Variants in METTL8 observed in about 807,000 individuals in gnomAD.
METTL8 encodes methyltransferase 8, tRNA N3-cytidine.
In METTL8, 32 loss-of-function variants were observed where a neutral mutation model predicts 48.7. The observed-to-expected ratio is 0.66, with a 90% CI of 0.50 to 0.88. The LOEUF is 0.88. Among genes scored for constraint, METTL8 ranks in the 40% least tolerant of loss-of-function variants. The probability of loss-of-function intolerance (pLI) is 0.00; values close to 1 mark genes in which losing one functional copy is unlikely to be tolerated. For missense variants in METTL8, 464 were observed against 474.4 expected (o/e 0.98, Z 0.20); for synonymous variants, 136 against 157.1 (o/e 0.87, Z 1.01).
At chr2:171,408,998 C>T (rs952091135) in intron 1 of METTL8, among the ~76,000 whole-genome samples, 2 of 152,172 alleles carry the variant, frequency 1.3e-5, no homozygotes, top group East Asian at 1.9e-4. Context: ...TCAAGCCTTC[C>T]ACTAAGATGC....
upstream of METTL8, chr2:171,434,463 C>T: frequency 6.7e-7 from 1 of 1,503,402 alleles, no homozygotes; most frequent in South Asian, 1.2e-5. Flanking sequence ...TTTCCCTGGG[C>T]CCCGCCGGGA....
At chr2:171,411,306 A>T (rs559207511) in intron 1 of METTL8, among the ~76,000 whole-genome samples, 2 of 152,262 alleles carry the variant, frequency 1.3e-5, no homozygotes, top group Non-Finnish European at 2.9e-5. Flanking sequence ...TTAAAAGTTC[A>T]TCTGGACAAA....
At chr2:171,353,697 A>G (rs1684209896) in intron 3 of METTL8, among the ~76,000 whole-genome samples, 1 of 152,084 alleles carries the variant, frequency 6.6e-6, no homozygotes, top group South Asian at 2.1e-4. Flanking sequence ...TGTTGAATTG[A>G]TCCCTTTACC....
At position 171,323,066 on chromosome 2, in the gene METTL8, A is replaced by G. The variant is rs767317124; in HGVS notation, c.*1106T>C. The G allele has an allele frequency of 6.6e-6, 1 of 152,076 alleles. No individual in the cohort carries two copies. Among genetic ancestry groups the G allele is most frequent in the African/African-American group, 2.4e-5 (1 of 41,406 alleles). 9.4% of individuals were successfully genotyped at this position (152,076 alleles called of 1,614,324 possible). On this transcript the variant is annotated 3_prime_UTR_variant, in exon 10 of 10. Coordinates refer to ENST00000375258, the MANE Select transcript of METTL8 (RefSeq NM_001321154.2). ...TATCAGCAAGGTCTGTATGACCTGT[A>G]TCTTGTACTGACTTCCTATCTCATC... is the stretch of plus-strand genomic sequence containing the variant.
rs188730223 is a variant in METTL8 at position 171,316,943 on chromosome 2, G to A, written c.*7229C>T. On this transcript the variant is annotated 3_prime_UTR_variant, in exon 10 of 10. Coordinates refer to ENST00000375258, the MANE Select transcript of METTL8 (RefSeq NM_001321154.2). Reference sequence around the variant, plus strand: ...AACTAAAGATGTAAGGAGAGCGATCGCATTCTTTACGCCAAGCATTCTGTT... The same window carrying A: ...AACTAAAGATGTAAGGAGAGCGATCACATTCTTTACGCCAAGCATTCTGTT... 9.9e-4 allele frequency among the ~76,000 whole-genome samples: 150 copies of A among 152,274 alleles called. No individual in the cohort carries two copies. Among genetic ancestry groups the A allele is most frequent in the African/African-American group, 3.2e-3 (134 of 41,556 alleles).
At chr2:171,395,760 A>C (rs2105575420) in intron 1 of METTL8, among the ~76,000 whole-genome samples, 1 of 152,356 alleles carries the variant, frequency 6.6e-6, no homozygotes, top group South Asian at 2.1e-4. Flanking sequence ...GATTTTAACA[A>C]CCCTTTTCCA....
At chr2:171,380,564 A>G (rs577295112) in intron 2 of METTL8, among the ~76,000 whole-genome samples, 6 of 152,368 alleles carry the variant, frequency 3.9e-5, no homozygotes, top group African/African-American at 1.4e-4. Flanking sequence ...GGGAAACAAA[A>G]TCAATGTGCA....
At chr2:171,375,013 C>T (rs146582925) in intron 2 of METTL8, 27 of 1,016,510 alleles carry the variant, frequency 2.7e-5, no homozygotes, top group Middle Eastern at 3.0e-4. Context: ...GTGGGCTTCA[C>T]GAGATCGATT....
intron 1 of METTL8, among the ~76,000 whole-genome samples, chr2:171,395,527 T>C (rs1688975974): frequency 6.6e-6 from 1 of 152,146 alleles, no homozygotes; most frequent in African/African-American, 2.4e-5. Context: ...AAACACTGCA[T>C]AAGAAAGCTG....
chr2:171,343,363 C>A (rs184948349), intron 3 of METTL8, among the ~76,000 whole-genome samples: 161 of 152,036 alleles, frequency 1.1e-3, no homozygotes, highest in African/African-American at 3.6e-3. Flanking sequence ...TGCTTGAACC[C>A]GGGAGGCGGA....
intron 1 of METTL8, among the ~76,000 whole-genome samples, chr2:171,420,187 C>T (rs948661964): frequency 6.6e-6 from 1 of 152,040 alleles, no homozygotes; most frequent in Non-Finnish European, 1.5e-5. Context: ...CCTGTCTCTA[C>T]AAAAAATATA....
intron 1 of METTL8, among the ~76,000 whole-genome samples, chr2:171,408,581 C>T (rs189960311): frequency 1.7e-4 from 26 of 152,152 alleles, no homozygotes; most frequent in African/African-American, 4.6e-4. Context: ...TGTGAGCCAC[C>T]GTGACCAGCT....
intron 3 of METTL8, among the ~76,000 whole-genome samples, chr2:171,357,087 A>G (rs886789846): frequency 4.0e-5 from 6 of 151,670 alleles, no homozygotes; most frequent in African/African-American, 1.5e-4. Context: ...CCTCCTGAGT[A>G]GCTGGGACTA....
At chr2:171,324,921 T>C (rs904800159) in intron 9 of METTL8, among the ~76,000 whole-genome samples, 13 of 152,004 alleles carry the variant, frequency 8.6e-5, no homozygotes, top group Non-Finnish European at 1.8e-4. Flanking sequence ...CCTGGTCAAA[T>C]GGTGAAACCC....
intron 1 of METTL8, among the ~76,000 whole-genome samples, chr2:171,433,657 G>T (rs945652302): frequency 2.6e-5 from 4 of 152,104 alleles, no homozygotes; most frequent in Admixed American, 2.0e-4. Context: ...TCCCTATAAA[G>T]AAAAAAGAAT....
chr2:171,341,078 C>T (rs1242382479), intron 3 of METTL8, among the ~76,000 whole-genome samples: 1 of 152,082 alleles, frequency 6.6e-6, no homozygotes, highest in African/African-American at 2.4e-5. Flanking sequence ...GCCTGTAATC[C>T]CAGCACTTTG....
At chr2:171,353,786 G>GC (rs1380233144) in intron 3 of METTL8, among the ~76,000 whole-genome samples, 3 of 152,064 alleles carry the variant, frequency 2.0e-5, no homozygotes, top group Non-Finnish European at 1.5e-5. Flanking sequence ...TGCAACCCCT[G>GC]CTTTTTTTTG....
At chr2:171,407,994 C>T (rs117061756) in intron 1 of METTL8, among the ~76,000 whole-genome samples, 1 of 152,280 alleles carries the variant, frequency 6.6e-6, no homozygotes, top group East Asian at 1.9e-4. Context: ...TGGTCAGTAG[C>T]TTCTTTATAA....
At chr2:171,324,722 C>A (rs1451782973) in intron 9 of METTL8, among the ~76,000 whole-genome samples, 2 of 152,122 alleles carry the variant, frequency 1.3e-5, no homozygotes, top group Non-Finnish European at 2.9e-5. Flanking sequence ...TTGGGGAAAT[C>A]CTTGAATGCA....
Sources: gnomAD v4.1 joint callset for allele counts (sites outside exome capture counted in the v4.1 genomes callset) on GRCh38, gnomAD v4.1.1 for gene constraint, MANE v1.5 for transcripts, NCBI Gene and HGNC (gene_info 2026-07-23, HGNC 2026-07-21) for gene names.